The following CDYL variants were observed in gnomAD, a reference collection of about 807,000 sequenced individuals.
CDYL encodes chromodomain Y-like protein.
Under a neutral mutation model 47.3 loss-of-function variants are expected in CDYL, and 8 were observed. The ratio of observed to expected loss-of-function variants is 0.17; its 90% CI spans 0.10 to 0.31. The LOEUF (loss-of-function observed/expected upper bound fraction) is 0.31. Ranked by LOEUF, CDYL falls within the 10% of genes least tolerant of loss-of-function variation. The probability of loss-of-function intolerance (pLI) is 1.00; values close to 1 mark genes in which losing one functional copy is unlikely to be tolerated. For missense variants in CDYL, 471 were observed against 701.4 expected (o/e 0.67, Z 3.71); for synonymous variants, 266 against 265.0 (o/e 1.00, Z -0.04).
At chr6:4,825,245 ACT>A (rs1392566763) in intron 1 of CDYL, among the ~76,000 whole-genome samples, 1 of 151,668 alleles carries the variant, frequency 6.6e-6, no homozygotes, top group Non-Finnish European at 1.5e-5. Context: ...ATATAGAAAC[ACT>A]CTGATTTTTG....
At chr6:4,777,036 C>T (rs1278889319) in intron 1 of CDYL, among the ~76,000 whole-genome samples, 1 of 141,842 alleles carries the variant, frequency 7.1e-6, no homozygotes, top group African/African-American at 2.6e-5. Context: ...GGGGGGGGGT[C>T]CCAGCCGTGG....
At chr6:4,833,783 A>G (rs1239546099) in intron 1 of CDYL, among the ~76,000 whole-genome samples, 1 of 151,780 alleles carries the variant, frequency 6.6e-6, no homozygotes, top group Admixed American at 6.6e-5. Flanking sequence ...TATATTTAGG[A>G]TAGTTAGCTC....
At chr6:4,909,334 G>A (rs928805153) in intron 2 of CDYL, among the ~76,000 whole-genome samples, 22 of 152,296 alleles carry the variant, frequency 1.4e-4, no homozygotes, top group African/African-American at 4.8e-4. Context: ...GCTACCTCCA[G>A]CTATTCAGTA....
At chr6:4,932,708 C>T (rs532583868) in intron 2 of CDYL, among the ~76,000 whole-genome samples, 1 of 152,346 alleles carries the variant, frequency 6.6e-6, no homozygotes, top group African/African-American at 2.4e-5. Flanking sequence ...CGTCTGTCTC[C>T]TGTCCCAACA....
chr6:4,860,520 A>G (rs184796967), intron 1 of CDYL, among the ~76,000 whole-genome samples: 81 of 147,802 alleles, frequency 5.5e-4, no homozygotes, highest in Non-Finnish European at 9.2e-4. Context: ...AAAAATATAT[A>G]TATAATGTAT....
intron 2 of CDYL, among the ~76,000 whole-genome samples, chr6:4,898,656 G>T (rs1294849908): frequency 1.3e-5 from 2 of 152,128 alleles, no homozygotes; most frequent in Non-Finnish European, 2.9e-5. Context: ...CAGTTCCTCA[G>T]AGTGAGCATA....
intron 2 of CDYL, among the ~76,000 whole-genome samples, chr6:4,892,880 G>A (rs923020676): frequency 1.3e-5 from 2 of 152,118 alleles, no homozygotes; most frequent in Admixed American, 6.6e-5. Flanking sequence ...TGTTGTGATC[G>A]GCAGTGCAGG....
intron 3 of CDYL, among the ~76,000 whole-genome samples, chr6:4,769,241 A>G (rs1758300086): frequency 6.6e-6 from 1 of 152,218 alleles, no homozygotes; most frequent in Non-Finnish European, 1.5e-5. Flanking sequence ...ATACCTGACT[A>G]AATGTAATGG....
intron 2 of CDYL, among the ~76,000 whole-genome samples, chr6:4,893,673 A>T (rs915058417): frequency 1.3e-5 from 2 of 151,470 alleles, no homozygotes; most frequent in Admixed American, 1.3e-4. Flanking sequence ...AGCCAGGGTG[A>T]CAGAGTGAGA....
intron 1 of CDYL, among the ~76,000 whole-genome samples, chr6:4,858,431 C>T (rs145012751): frequency 2.0e-5 from 3 of 152,342 alleles, no homozygotes; most frequent in Non-Finnish European, 2.9e-5. Flanking sequence ...CTACTTGTCA[C>T]AGCAGCCCTC....
chr6:4,947,745 A>G (rs981813779), intron 5 of CDYL, among the ~76,000 whole-genome samples: 2 of 152,196 alleles, frequency 1.3e-5, no homozygotes, highest in Non-Finnish European at 2.9e-5. Context: ...ATTAGGTGCC[A>G]GCGTCCATGG....
At chr6:4,795,390 GAGAA>G (rs1759042077) in intron 1 of CDYL, among the ~76,000 whole-genome samples, 2 of 152,076 alleles carry the variant, frequency 1.3e-5, no homozygotes, top group Non-Finnish European at 2.9e-5. Context: ...TCACATGAAA[GAGAA>G]AGACACAACT....
At chr6:4,823,855 A>G (rs1314508804) in intron 1 of CDYL, among the ~76,000 whole-genome samples, 1 of 152,216 alleles carries the variant, frequency 6.6e-6, no homozygotes, top group African/African-American at 2.4e-5. Context: ...ATTTCCCCAA[A>G]CAGAAACTCT....
chr6:4,955,189 A>T lies in CDYL; in HGVS notation c.*1133A>T, dbSNP rs997944933. On this transcript the variant is annotated 3_prime_UTR_variant, in exon 7 of 7. Coordinates refer to ENST00000397588, the MANE Select transcript of CDYL (RefSeq NM_004824.4). ...CCAAGAGTGCCCTGTGTGGATAGAC[A>T]TGTGCACTCCTTCCAGGAGTGGGTA... The T allele has an allele frequency of 2.0e-5, 3 of 152,604 alleles. No homozygotes were observed. Among genetic ancestry groups the T allele is most frequent in the Non-Finnish European group, 4.4e-5 (3 of 68,036 alleles). 9.5% of individuals were successfully genotyped at this position (152,604 alleles called of 1,614,324 possible). A position where few individuals can be genotyped will look rare whatever the true frequency, so the allele number is the denominator to read the frequency against.
intron 2 of CDYL, among the ~76,000 whole-genome samples, chr6:4,911,176 G>A (rs966269122): frequency 1.3e-5 from 2 of 152,222 alleles, no homozygotes; most frequent in African/African-American, 4.8e-5. Context: ...GGGATATAGT[G>A]TTCTGTTTTT....
In CDYL at chr6:4,780,798, G is replaced by A. The variant is rs576560483; in HGVS notation, c.24+3991G>A. Among the ~76,000 whole-genome samples, 114 of 152,290 alleles carry A rather than the reference G, an allele frequency of 7.5e-4. 2 individuals carry two copies. The highest frequency in any genetic ancestry group is 2.3e-3 in the African/African-American group (95 of 41,550). ...CTGTTTTCCCTTCCTCAAGATTTAG[G>A]ATTTGAAAGTATTCTATAAACTGAT... On this transcript the variant is annotated intron_variant, in intron 1 of 6. Transcript: ENST00000397588.
intron 1 of CDYL, among the ~76,000 whole-genome samples, chr6:4,814,135 T>C (rs1194300685): frequency 6.6e-6 from 1 of 152,192 alleles, no homozygotes; most frequent in Non-Finnish European, 1.5e-5. Flanking sequence ...TAGGTAGCAT[T>C]CCCATTATTT....
chr6:4,792,406 TGTA>T (rs1265321720), intron 1 of CDYL, among the ~76,000 whole-genome samples: 2 of 151,740 alleles, frequency 1.3e-5, no homozygotes, highest in Non-Finnish European at 2.9e-5. Flanking sequence ...GACATTTTAA[TGTA>T]GTCAAATTTT....
At chr6:4,736,521 C>G (rs1757706603) in intron 3 of CDYL, among the ~76,000 whole-genome samples, 1 of 152,182 alleles carries the variant, frequency 6.6e-6, no homozygotes, top group Non-Finnish European at 1.5e-5. Context: ...CACAGCCTTC[C>G]TGGCCTCTGC....
Sources: gnomAD v4.1 joint callset for allele counts (sites outside exome capture counted in the v4.1 genomes callset) on GRCh38, gnomAD v4.1.1 for gene constraint, MANE v1.5 for transcripts, NCBI Gene and HGNC (gene_info 2026-07-23, HGNC 2026-07-21) for gene names.